Variants in CASZ1 observed in about 807,000 individuals in gnomAD.
CASZ1 encodes zinc finger protein castor homolog 1.
CASZ1 carries 28 observed loss-of-function variants against 135.2 expected under a neutral mutation model. That is an observed-to-expected ratio of 0.21 (90% CI 0.15 to 0.28). CASZ1 has a LOEUF of 0.28. CASZ1 is among the 10% of genes least tolerant of loss of function. The pLI, the probability that CASZ1 is intolerant of heterozygous loss-of-function variation, is 1.00. For synonymous variants in CASZ1, 1,068 were observed against 1,073.4 expected (o/e 0.99, Z 0.10); for missense variants, 2,161 against 2,453.3 (o/e 0.88, Z 2.52).
chr1:10,730,534 G>T (rs771444108), intron 2 of CASZ1, among the ~76,000 whole-genome samples: 3 of 152,152 alleles, frequency 2.0e-5, no homozygotes, highest in Non-Finnish European at 4.4e-5. Flanking sequence ...CTGCTCCAGG[G>T]AACACCATCT....
At chr1:10,708,514 G>T (rs562881664) in intron 2 of CASZ1, among the ~76,000 whole-genome samples, 1 of 152,342 alleles carries the variant, frequency 6.6e-6, no homozygotes, top group East Asian at 1.9e-4. Flanking sequence ...CCTTATGTGT[G>T]CAAAGAGCCT....
rs762373483 is a variant in CASZ1, at chr1:10,649,423, G to T, written c.2895C>A (p.Asn965Lys). 4 of 1,609,946 alleles carry T rather than the reference G, an allele frequency of 2.5e-6. No homozygotes were observed. Among genetic ancestry groups the T allele is most frequent in the Non-Finnish European group, 2.5e-6 (3 of 1,178,204 alleles). Residue 965 changes from asparagine (N) to lysine (K), a missense_variant, in exon 14 of 21, where the codon AAC becomes AAA. Physicochemically the swap from Asn to Lys is moderately conservative, Grantham distance 94. Transcript: ENST00000377022. ...SSLMNKMSQG[N>K]PGLGSLLNIK... is the part of the protein sequence containing the mutation. ...TGTTCAGCAGGCTGCCCAGGCCAGG[G>T]TTGCCCTGAGACATCTGTGAGGGAC... is the stretch of plus-strand genomic sequence containing the variant.
At chr1:10,772,583 G>A (rs1207117553) in intron 1 of CASZ1, among the ~76,000 whole-genome samples, 2 of 152,180 alleles carry the variant, frequency 1.3e-5, no homozygotes, top group Admixed American at 6.5e-5. Flanking sequence ...ACCACTGGGT[G>A]TCTCCAAGTC....
At chr1:10,689,981 T>C (rs1408707066) in intron 4 of CASZ1, among the ~76,000 whole-genome samples, 2 of 152,210 alleles carry the variant, frequency 1.3e-5, no homozygotes, top group African/African-American at 4.8e-5. Context: ...TCTGCCAAGA[T>C]GGCCCCAGAG....
chr1:10,695,464 G>T (rs1484225115), intron 3 of CASZ1, among the ~76,000 whole-genome samples: 1 of 150,724 alleles, frequency 6.6e-6, no homozygotes, highest in Non-Finnish European at 1.5e-5. Flanking sequence ...CATCACTTGC[G>T]CTTCCTCCCT....
intron 4 of CASZ1, among the ~76,000 whole-genome samples, chr1:10,669,686 G>A (rs1214129075): frequency 1.3e-5 from 2 of 152,184 alleles, no homozygotes; most frequent in African/African-American, 2.4e-5. Flanking sequence ...CAGGCATCCT[G>A]GGTTCAAGGG....
At position 10,701,918 on chromosome 1, in the gene CASZ1, C is replaced by T. The variant is rs994669436; in HGVS notation, c.-24+3574G>A. 1.3e-5 allele frequency among the ~76,000 whole-genome samples: 2 copies of T among 152,202 alleles called. No homozygotes were observed. The highest frequency in any genetic ancestry group is 2.9e-5 in the Non-Finnish European group (2 of 68,028). On this transcript the variant is annotated intron_variant, in intron 3 of 20. Coordinates refer to ENST00000377022, the MANE Select transcript of CASZ1 (RefSeq NM_001079843.3). This position sits in a 1 kb window ranked among gnomAD's most constrained non-coding sequence, Gnocchi z 6.3. The stretch of plus-strand genomic sequence containing the variant: ...CCTCAGTTTCTCCACCTCCCCCGGC[C>T]CATCCCCCGTTGGGCTGAGCCATCC...
At position 10,751,668 on chromosome 1, in the gene CASZ1, C is replaced by T. The variant is rs1033047335; in HGVS notation, c.-77+9033G>A. Reference sequence around the variant, plus strand: ...GGCAGGCTGGGGAAGAGGCTGAGAGCTCGGGAAGCGGAAGAGGTTCCCACT... The same window carrying T: ...GGCAGGCTGGGGAAGAGGCTGAGAGTTCGGGAAGCGGAAGAGGTTCCCACT... On this transcript the variant is annotated intron_variant, in intron 2 of 20. Transcript: ENST00000377022. Among the ~76,000 whole-genome samples, 5 of 152,184 alleles carry T rather than the reference C, an allele frequency of 3.3e-5. No individual in the cohort carries two copies. The South Asian group carries it at 1.0e-3, about 32-fold the overall frequency.
rs1035904379 is a variant in CASZ1 at position 10,741,078 on chromosome 1, C to T, written c.-77+19623G>A. Among the ~76,000 whole-genome samples, 4 of 151,796 alleles carry T rather than the reference C, an allele frequency of 2.6e-5. No individual in the cohort carries two copies. The highest frequency in any genetic ancestry group is 6.6e-5 in the Admixed American group (1 of 15,262). ...CACAATCTCAGCTCATTGCAACCTC[C>T]GTTTCCTGGGTTCAAGTGATTCTCC... is the stretch of plus-strand genomic sequence containing the variant. On this transcript the variant is annotated intron_variant, in intron 2 of 20. Coordinates refer to ENST00000377022, the MANE Select transcript of CASZ1 (RefSeq NM_001079843.3). The surrounding 1 kb of genome is among the most constrained non-coding windows in gnomAD (Gnocchi z 5.0).
chr1:10,747,021 AG>A lies in CASZ1; in HGVS notation c.-77+13679del, dbSNP rs1381928535. On this transcript the variant is annotated intron_variant, in intron 2 of 20. Coordinates refer to ENST00000377022, the MANE Select transcript of CASZ1 (RefSeq NM_001079843.3). This position sits in a 1 kb window ranked among gnomAD's most constrained non-coding sequence, Gnocchi z 4.3. ...ATGACCCCATGGCTTCTCCCCTCAT[AG>A]CCCCCGCTAACCAGGAGTGGACGCC... is the stretch of plus-strand genomic sequence containing the variant. Among the ~76,000 whole-genome samples the A allele has an allele frequency of 6.6e-6, 1 of 152,228 alleles. No homozygotes were observed. The highest frequency in any genetic ancestry group is 1.5e-5 in the Non-Finnish European group (1 of 68,030).
intron 5 of CASZ1, among the ~76,000 whole-genome samples, chr1:10,662,460 G>A (rs1425233128): frequency 2.7e-5 from 4 of 150,908 alleles, no homozygotes; most frequent in African/African-American, 4.9e-5. Flanking sequence ...CCGCACATAC[G>A]CACAGTCATA....
chr1:10,734,154 A>G (rs560809976), intron 2 of CASZ1, among the ~76,000 whole-genome samples: 6 of 152,116 alleles, frequency 3.9e-5, no homozygotes, highest in Non-Finnish European at 7.4e-5. Context: ...CGAGCAGATG[A>G]CAGGCAGAGG....
At chr1:10,715,458 A>G (rs886977677) in intron 2 of CASZ1, among the ~76,000 whole-genome samples, 1 of 151,780 alleles carries the variant, frequency 6.6e-6, no homozygotes, top group African/African-American at 2.4e-5. Context: ...GGCAGCAGAG[A>G]TGCCTCCTCC....
intron 4 of CASZ1, among the ~76,000 whole-genome samples, chr1:10,685,601 C>A (rs919865457): frequency 6.6e-6 from 1 of 152,236 alleles, no homozygotes; most frequent in Non-Finnish European, 1.5e-5. Flanking sequence ...AAGGGAGGCT[C>A]CTCCCCAACC....
intron 2 of CASZ1, among the ~76,000 whole-genome samples, chr1:10,749,014 T>C (rs186606606): frequency 4.9e-4 from 74 of 152,266 alleles, no homozygotes; most frequent in African/African-American, 1.8e-3. Context: ...GATTCCTCTT[T>C]GATGAGGAGC....
At position 10,637,151 on chromosome 1, in the gene CASZ1, T is replaced by C. The variant is rs190890391; in HGVS notation, c.*1791A>G. On this transcript the variant is annotated 3_prime_UTR_variant, in exon 21 of 21. Coordinates refer to ENST00000377022, the MANE Select transcript of CASZ1 (RefSeq NM_001079843.3). ...TTTTTTTAAGTTTGATTTTGCTACA[T>C]TGAAAAAATGTTTGTGTGTGTGTGT... 2.6e-5 allele frequency: 4 copies of C among 152,384 alleles called. No individual in the cohort carries two copies. The highest frequency in any genetic ancestry group is 3.9e-4 in the East Asian group (2 of 5,184). 9.4% of individuals were successfully genotyped at this position (152,384 alleles called of 1,614,324 possible).
rs112394657 is a variant in CASZ1, at chr1:10,701,972, G to C, written c.-24+3520C>G. 8.2e-3 allele frequency among the ~76,000 whole-genome samples: 1,256 copies of C among 152,318 alleles called. 6 individuals carry two copies. The highest frequency in any genetic ancestry group is 0.015 in the Non-Finnish European group (998 of 68,030). On this transcript the variant is annotated intron_variant, in intron 3 of 20. Coordinates refer to ENST00000377022, the MANE Select transcript of CASZ1 (RefSeq NM_001079843.3). The surrounding 1 kb of genome is among the most constrained non-coding windows in gnomAD (Gnocchi z 6.3). ...CTACTGAGGCTTCTCTTGGGCTTCC[G>C]GCCCCGCTGCCTGGGCGGCGTCTGT...
intron 4 of CASZ1, among the ~76,000 whole-genome samples, chr1:10,692,095 T>C (rs1638787708): frequency 6.6e-6 from 1 of 152,174 alleles, no homozygotes; most frequent in South Asian, 2.1e-4. Flanking sequence ...CAAGAGGCTC[T>C]GCCACCTGCC....
chr1:10,736,562 C>T (rs1284470453), intron 2 of CASZ1, among the ~76,000 whole-genome samples: 2 of 152,208 alleles, frequency 1.3e-5, no homozygotes, highest in Non-Finnish European at 2.9e-5. Flanking sequence ...TCCCATTTTG[C>T]AGATGAGTAC....
Sources: gnomAD v4.1 joint callset for allele counts (sites outside exome capture counted in the v4.1 genomes callset) on GRCh38, gnomAD v4.1.1 for gene constraint, Gnocchi (gnomAD v3.1) non-coding constraint, MANE v1.5 for transcripts, NCBI Gene and HGNC (gene_info 2026-07-23, HGNC 2026-07-21) for gene names.